PKHD1L1: variants seen among roughly 807,000 people sequenced by gnomAD.
The protein encoded by PKHD1L1 is PKHD1 like 1, also known as fibrocystin-L.
In PKHD1L1, 434 loss-of-function variants were observed where a neutral mutation model predicts 462.9. The observed-to-expected ratio is 0.94, with a 90% confidence interval of 0.87 to 1.02. The LOEUF is 1.02. Among genes scored for constraint, PKHD1L1 ranks in the 50% least tolerant of loss-of-function variants. PKHD1L1 has a pLI of 0.00. For synonymous variants in PKHD1L1, 1,781 were observed against 1,750.0 expected (o/e 1.02, Z -0.44); for missense variants, 5,202 against 5,096.1 (o/e 1.02, Z -0.63).
intron 17 of PKHD1L1, 34 bp downstream of exon 17, chr8:109,406,512 A>G (rs780841832): frequency 3.9e-6 from 6 of 1,555,896 alleles, no homozygotes; most frequent in Non-Finnish European, 5.2e-6. Context: ...CTTCTGTAGG[A>G]AACAAATGTA....
intron 1 of PKHD1L1, 46 bp downstream of exon 1, chr8:109,362,699 T>C (rs1586348370): frequency 1.3e-6 from 2 of 1,546,580 alleles, no homozygotes; most frequent in East Asian, 2.4e-5. Context: ...GAGGCCCGCG[T>C]AGACACTACC....
intron 47 of PKHD1L1, 124 bp from the exon 48 acceptor site, chr8:109,461,648 A>G (rs542314780): frequency 6.9e-5 from 71 of 1,035,646 alleles, no homozygotes; most frequent in Middle Eastern, 4.8e-4. Flanking sequence ...AATGCAAATA[A>G]CTATGTTCTA....
At chr8:109,404,517 G>GA in intron 14 of PKHD1L1, 37 bp from the exon 15 acceptor site, 2 of 1,326,816 alleles carry the variant, frequency 1.5e-6, no homozygotes, top group African/African-American at 1.5e-5. Flanking sequence ...AAGTGTTCTG[G>GA]AAAAAAGTTA....
At position 109,530,699 on chromosome 8, in the gene PKHD1L1, A is replaced by G. The variant is rs1206996370; in HGVS notation, c.*609A>G. Among the ~76,000 whole-genome samples the G allele has an allele frequency of 6.6e-6, 1 of 152,048 alleles. No individual in the cohort carries two copies. The highest frequency in any genetic ancestry group is 2.4e-5 in the African/African-American group (1 of 41,398). ...CTGGATCTGCCCAACTCTGGCCAAT[A>G]TTGGGAAAAGTTTTCTTGTCCTTGG... On this transcript the variant is annotated 3_prime_UTR_variant, in exon 78 of 78. Transcript: ENST00000378402.
rs566890781 is a variant in PKHD1L1 at position 109,478,200 on chromosome 8, G to A, written c.9089+804G>A. Among the ~76,000 whole-genome samples the A allele has an allele frequency of 7.2e-5, 11 of 152,220 alleles. No individual in the cohort carries two copies. The East Asian group carries it at 2.1e-3, about 29-fold the overall frequency. On this transcript the variant is annotated intron_variant, in intron 53 of 77. Transcript: ENST00000378402. Reference sequence around the variant, plus strand: ...TTACATTTCAAAATAAATAGACACTGTAGTGGTTATTGTACAAAAGAACAA... The same window carrying A: ...TTACATTTCAAAATAAATAGACACTATAGTGGTTATTGTACAAAAGAACAA...
Position 109,440,771 on chromosome 8 carries a change from G to A in PKHD1L1, c.4018G>A (p.Gly1340Ser). The change falls in exon 33 of 78, where the codon GGC becomes AGC. Residue 1340 changes from glycine (G) to serine (S), a missense_variant. Physicochemically the swap from Gly to Ser is moderately conservative, Grantham distance 56. This residue lies in a region of PKHD1L1 where 4,497 missense variants were observed against 4,336.8 expected (regional missense o/e 1.04). Transcript: ENST00000378402. ...LEVTSMFPQR[G>S]SLFGGTEITI... ...AGTGACCAGCATGTTTCCACAAAGA[G>A]GCTCCTTGTTTGGTGGAACTGAAAT... The A allele has an allele frequency of 6.2e-7, 1 of 1,613,026 alleles. No individual in the cohort carries two copies. Among genetic ancestry groups the A allele is most frequent in the Non-Finnish European group, 8.5e-7 (1 of 1,179,264 alleles).
At chr8:109,514,399 A>T (rs1003172024) in intron 71 of PKHD1L1, among the ~76,000 whole-genome samples, 43 of 152,168 alleles carry the variant, frequency 2.8e-4, no homozygotes, top group African/African-American at 1.0e-3. Flanking sequence ...TCTTGAATAT[A>T]AGCTCAGAGA....
At chr8:109,373,196 T>C (rs1371749994) in intron 2 of PKHD1L1, among the ~76,000 whole-genome samples, 1 of 152,206 alleles carries the variant, frequency 6.6e-6, no homozygotes, top group Non-Finnish European at 1.5e-5. Flanking sequence ...GTTATTGGTC[T>C]ATTCAGAGAT....
In PKHD1L1 at chr8:109,427,094, T is replaced by C. The variant is rs776754874; in HGVS notation, c.2938T>C (p.Cys980Arg). The change falls in exon 25 of 78, where the codon TGT (cysteine) becomes CGT (arginine). Residue 980 changes from cysteine to arginine, a missense_variant. Physicochemically the swap from Cys to Arg is radical, Grantham distance 180. Transcript: ENST00000378402. ...GRISVTREGT[C>R]AGYAWNIKWR... Reference sequence around the variant, plus strand: ...AATCTCAGTTACACGAGAGGGAACCTGTGCTGGCTACGCGTGGAACATCAA... The same window carrying C: ...AATCTCAGTTACACGAGAGGGAACCCGTGCTGGCTACGCGTGGAACATCAA... The C allele has an allele frequency of 2.2e-5, 36 of 1,613,872 alleles. No homozygotes were observed. Among genetic ancestry groups the C allele is most frequent in the Non-Finnish European group, 2.8e-5 (33 of 1,179,872 alleles).
At chr8:109,391,194 A>G (rs1340269468) in intron 9 of PKHD1L1, among the ~76,000 whole-genome samples, 1 of 152,188 alleles carries the variant, frequency 6.6e-6, no homozygotes, top group Non-Finnish European at 1.5e-5. Flanking sequence ...GGATAAACCG[A>G]GTGTTATCAT....
chr8:109,376,290 C>T (rs1337504671), intron 2 of PKHD1L1, among the ~76,000 whole-genome samples: 1 of 152,190 alleles, frequency 6.6e-6, no homozygotes, highest in Non-Finnish European at 1.5e-5. Context: ...GGTGTAGGAC[C>T]CTCCGAGCCA....
intron 51 of PKHD1L1, 39 bp from the exon 52 acceptor site, chr8:109,476,469 A>G (rs1817991560): frequency 7.8e-7 from 1 of 1,278,786 alleles, no homozygotes; most frequent in Non-Finnish European, 1.1e-6. Flanking sequence ...TACGAAGAAT[A>G]TTAACATACA....
chr8:109,411,947 G>A (rs10955518), intron 19 of PKHD1L1, among the ~76,000 whole-genome samples: 45,169 of 151,792 alleles, frequency 0.3, 7,299 homozygotes, highest in Admixed American at 0.43. Context: ...CAGCAAACAC[G>A]CAAACAAGCA....
chr8:109,512,810 G>A (rs1388377227), intron 71 of PKHD1L1, among the ~76,000 whole-genome samples: 1 of 151,042 alleles, frequency 6.6e-6, no homozygotes, highest in Non-Finnish European at 1.5e-5. Flanking sequence ...TCATGATATT[G>A]ATTCTTCCTA....
chr8:109,406,891 A>G (rs576010527), intron 17 of PKHD1L1, among the ~76,000 whole-genome samples: 1 of 152,064 alleles, frequency 6.6e-6, no homozygotes, highest in South Asian at 2.1e-4. Flanking sequence ...GACAGAGCTC[A>G]TTGGAATATT....
intron 38 of PKHD1L1, among the ~76,000 whole-genome samples, chr8:109,447,561 A>T (rs1816221601): frequency 6.6e-6 from 1 of 152,228 alleles, no homozygotes; most frequent in Non-Finnish European, 1.5e-5. Flanking sequence ...TATTTGTTCT[A>T]TGTGCACTCA....
intron 18 of PKHD1L1, 141 bp from the exon 19 acceptor site, chr8:109,409,724 A>C (rs1813737686): frequency 2.1e-6 from 1 of 486,444 alleles, no homozygotes; most frequent in Admixed American, 4.2e-5. Context: ...AATTATTTAG[A>C]AAATTAACTC....
chr8:109,373,696 T>C (rs1811642689), intron 2 of PKHD1L1, among the ~76,000 whole-genome samples: 1 of 152,244 alleles, frequency 6.6e-6, no homozygotes, highest in African/African-American at 2.4e-5. Flanking sequence ...GAGATTCTGG[T>C]ATGTTGTGTC....
rs908463823 is a variant in PKHD1L1 at position 109,431,205 on chromosome 8, C to A, written c.3229+1168C>A. Among the ~76,000 whole-genome samples, 31 of 152,016 alleles carry A rather than the reference C, an allele frequency of 2.0e-4. 1 individual carries two copies. Among genetic ancestry groups the A allele is most frequent in the Non-Finnish European group, 1.0e-4 (7 of 67,964 alleles). ...ATGGTTGAATTCCCACTTTTACATG[C>A]ACTTCCTGAAAAACTATTTCTTACC... On this transcript the variant is annotated intron_variant, in intron 27 of 77. Coordinates refer to ENST00000378402, the MANE Select transcript of PKHD1L1 (RefSeq NM_177531.6).
Sources: gnomAD v4.1 joint callset for allele counts (sites outside exome capture counted in the v4.1 genomes callset) on GRCh38, gnomAD v4.1.1 for gene constraint, gnomAD v4.1.1 regional missense constraint, MANE v1.5 for transcripts, NCBI Gene and HGNC (gene_info 2026-07-23, HGNC 2026-07-21) for gene names.